Variants in NPTN observed in about 807,000 individuals in gnomAD.
NPTN encodes neuroplastin.
Under a neutral mutation model 42.7 loss-of-function variants are expected in NPTN, and 5 were observed. That is an observed-to-expected ratio of 0.12 (90% confidence interval 0.06 to 0.25). NPTN has a LOEUF of 0.25. Among genes scored for constraint, NPTN ranks in the 10% least tolerant of loss-of-function variants. The probability of loss-of-function intolerance (pLI) is 1.00; values close to 1 mark genes in which losing one functional copy is unlikely to be tolerated. For synonymous variants in NPTN, 180 were observed against 201.9 expected, an observed-to-expected ratio of 0.89 and a Z score of 0.92; for missense variants, 307 against 525.4, an observed-to-expected ratio of 0.58 and a Z score of 4.06.
At chr15:73,613,094 A>C (rs971001588) in intron 1 of NPTN, among the ~76,000 whole-genome samples, 2 of 152,252 alleles carry the variant, frequency 1.3e-5, no homozygotes, top group African/African-American at 4.8e-5. Context: ...ATGTAAGATT[A>C]AGCAATTAGA....
chr15:73,580,429 TA>T (rs1566965592), intron 4 of NPTN, among the ~76,000 whole-genome samples: 9,330 of 97,406 alleles, frequency 0.096, 563 homozygotes, highest in African/African-American at 0.16. Flanking sequence ...ATAATATATA[TA>T]TAATATATAT....
chr15:73,575,499 T>C (rs11853867), intron 4 of NPTN, among the ~76,000 whole-genome samples: 1,568 of 152,362 alleles, frequency 0.01, 31 homozygotes, highest in African/African-American at 0.036. Flanking sequence ...AGAATCGATA[T>C]GCCTTGGTCC....
intron 3 of NPTN, among the ~76,000 whole-genome samples, 170 bp from the exon 4 acceptor site, chr15:73,587,788 T>C (rs1173300679): frequency 6.6e-6 from 1 of 152,184 alleles, no homozygotes; most frequent in Non-Finnish European, 1.5e-5. Flanking sequence ...AAAACATTAA[T>C]GTCTTGCTCT....
At chr15:73,576,544 G>T (rs1043826566) in intron 4 of NPTN, among the ~76,000 whole-genome samples, 1 of 152,132 alleles carries the variant, frequency 6.6e-6, no homozygotes, top group Non-Finnish European at 1.5e-5. Flanking sequence ...GGCCAGGCTG[G>T]TCTCAAACTA....
intron 4 of NPTN, among the ~76,000 whole-genome samples, chr15:73,585,637 A>G (rs1254768895): frequency 6.6e-6 from 1 of 152,238 alleles, no homozygotes; most frequent in Non-Finnish European, 1.5e-5. Context: ...AAGACAGACT[A>G]GAATTCTTTT....
chr15:73,631,062 C>T (rs546074151), intron 1 of NPTN, among the ~76,000 whole-genome samples: 1 of 152,190 alleles, frequency 6.6e-6, no homozygotes, highest in Non-Finnish European at 1.5e-5. Flanking sequence ...GAACACATAT[C>T]ACTGAGCAGA....
rs780345694 is a variant in NPTN at position 73,633,153 on chromosome 15, G to A, written c.63C>T (p.Leu21=). The change falls in exon 1 of 9, where the codon CTC becomes CTT. Residue 21 remains leucine (L), a synonymous_variant. Coordinates refer to ENST00000345330, the MANE Select transcript of NPTN (RefSeq NM_012428.4). ...TCTGAGCGGCGCCTGGCCCTGGGAG[G>A]AGGGAGCCAGAGACCAGCAACAGCG... ...ALSLLLVSGS[L]LPGPGAAQNA... is the part of the protein sequence containing the mutation. The A allele has an allele frequency of 3.0e-5, 45 of 1,506,850 alleles. No individual in the cohort carries two copies. Among genetic ancestry groups the A allele is most frequent in the Non-Finnish European group, 3.9e-5 (44 of 1,134,772 alleles). The allele number at this position is 1,506,850 out of a possible 1,614,324, so 93.3% of individuals were successfully genotyped here.
At chr15:73,618,533 A>G (rs965710204) in intron 1 of NPTN, among the ~76,000 whole-genome samples, 1 of 152,248 alleles carries the variant, frequency 6.6e-6, no homozygotes, top group African/African-American at 2.4e-5. Context: ...TCAAGAAAGT[A>G]TGTGTAAGAA....
intron 4 of NPTN, among the ~76,000 whole-genome samples, chr15:73,579,829 T>C (rs1339076146): frequency 2.0e-5 from 3 of 152,134 alleles, no homozygotes; most frequent in African/African-American, 7.2e-5. Context: ...ATCCTCCAGC[T>C]CTGGTCAAGC....
At chr15:73,608,570 T>C (rs551746884) in intron 1 of NPTN, among the ~76,000 whole-genome samples, 1 of 152,314 alleles carries the variant, frequency 6.6e-6, no homozygotes, top group Admixed American at 6.5e-5. Flanking sequence ...CAGAAAAATA[T>C]CCTCAAGACC....
chr15:73,621,319 A>T (rs1160018007), intron 1 of NPTN, among the ~76,000 whole-genome samples: 1 of 152,188 alleles, frequency 6.6e-6, no homozygotes, highest in Non-Finnish European at 1.5e-5. Flanking sequence ...CATTTTAATG[A>T]TATGCTCATC....
chr15:73,579,753 G>C (rs1422045009), intron 4 of NPTN, among the ~76,000 whole-genome samples: 1 of 152,110 alleles, frequency 6.6e-6, no homozygotes, highest in African/African-American at 2.4e-5. Flanking sequence ...CCAATGGAGA[G>C]GGGCACACTG....
At chr15:73,579,008 A>AAG (rs1273681555) in intron 4 of NPTN, among the ~76,000 whole-genome samples, 2 of 150,770 alleles carry the variant, frequency 1.3e-5, no homozygotes, top group Non-Finnish European at 3.0e-5. Flanking sequence ...AAAAAAAAAA[A>AAG]AAAAGATACT....
chr15:73,571,775 G>A (rs899549215), intron 5 of NPTN, among the ~76,000 whole-genome samples: 6 of 152,122 alleles, frequency 3.9e-5, no homozygotes, highest in Non-Finnish European at 1.5e-5. Flanking sequence ...GAGAGAAAAA[G>A]GGGAATATTA....
chr15:73,609,442 A>G (rs1897455409), intron 1 of NPTN, among the ~76,000 whole-genome samples: 1 of 152,192 alleles, frequency 6.6e-6, no homozygotes, highest in South Asian at 2.1e-4. Context: ...CAGCCTGGCC[A>G]ACATGGTGAA....
chr15:73,622,918 C>T (rs1052742658), intron 1 of NPTN, among the ~76,000 whole-genome samples: 1 of 152,204 alleles, frequency 6.6e-6, no homozygotes, highest in South Asian at 2.1e-4. Context: ...CAACCCTACA[C>T]TCTTCAAACT....
chr15:73,584,900 G>A (rs1566968886), intron 4 of NPTN, among the ~76,000 whole-genome samples: 2 of 151,930 alleles, frequency 1.3e-5, no homozygotes, highest in Non-Finnish European at 2.9e-5. Context: ...TAAAAAACAT[G>A]ATCATCTTGG....
At chr15:73,617,826 T>C (rs1336573992) in intron 1 of NPTN, among the ~76,000 whole-genome samples, 4 of 152,204 alleles carry the variant, frequency 2.6e-5, no homozygotes, top group African/African-American at 9.6e-5. Flanking sequence ...TCTGAGCAAT[T>C]TTCACTATAA....
chr15:73,625,357 CT>C (rs912982375), intron 1 of NPTN, among the ~76,000 whole-genome samples: 72 of 146,782 alleles, frequency 4.9e-4, no homozygotes, highest in African/African-American at 7.5e-4. Flanking sequence ...TTCTAAAGAG[CT>C]TTTTTTTTTT....
Sources: allele counts gnomAD v4.1 joint callset (sites outside exome capture counted in the v4.1 genomes callset), GRCh38; gene constraint gnomAD v4.1.1; transcripts MANE v1.5; gene names NCBI Gene and HGNC (gene_info 2026-07-23, HGNC 2026-07-21).